The following DAB1 variants were observed in gnomAD, a reference collection of about 807,000 sequenced individuals.
DAB1 encodes the protein DAB adaptor protein 1, also known as disabled homolog 1.
A neutral mutation model predicts 64.6 loss-of-function variants in DAB1; 15 were observed. The observed-to-expected ratio is 0.23, with a 90% confidence interval of 0.16 to 0.36. DAB1 has a LOEUF of 0.36. DAB1 is among the 10% of genes least tolerant of loss of function. The pLI is 1.00. For missense variants in DAB1, 596 were observed against 706.7 expected, an observed-to-expected ratio of 0.84 and a Z score of 1.78; for synonymous variants, 235 against 251.9, an observed-to-expected ratio of 0.93 and a Z score of 0.64.
At chr1:57,889,625 T>G (rs530097286) in intron 5 of DAB1, among the ~76,000 whole-genome samples, 1 of 152,362 alleles carries the variant, frequency 6.6e-6, no homozygotes, top group East Asian at 1.9e-4. Context: ...CTGCCCCGTA[T>G]GATCCCAGAA....
intron 7 of DAB1, among the ~76,000 whole-genome samples, chr1:57,528,459 T>C (rs1367922105): frequency 2.0e-5 from 3 of 152,088 alleles, no homozygotes; most frequent in South Asian, 2.1e-4. Context: ...GAAAATTATT[T>C]TGATGAATTA....
intron 4 of DAB1, among the ~76,000 whole-genome samples, chr1:58,237,562 A>G (rs1174656238): frequency 2.0e-5 from 3 of 152,148 alleles, no homozygotes; most frequent in Non-Finnish European, 4.4e-5. Flanking sequence ...AAAATTCTAA[A>G]GGAAAGAAAA....
At chr1:57,980,107 T>G (rs1646026804) in intron 5 of DAB1, among the ~76,000 whole-genome samples, 1 of 152,092 alleles carries the variant, frequency 6.6e-6, no homozygotes, top group Non-Finnish European at 1.5e-5. Flanking sequence ...TTGAATCCCT[T>G]CATCCATAAA....
intron 2 of DAB1, among the ~76,000 whole-genome samples, chr1:57,281,406 G>A (rs1473252725): frequency 6.6e-6 from 1 of 152,146 alleles, no homozygotes; most frequent in Non-Finnish European, 1.5e-5. Flanking sequence ...CAGAAAAAAT[G>A]TATTCCCAGG....
In DAB1 at chr1:57,261,206, C is replaced by T. The variant is rs1017305003; in HGVS notation, c.67+29758G>A. Among the ~76,000 whole-genome samples, 11 of 152,226 alleles carry T rather than the reference C, an allele frequency of 7.2e-5. 1 individual carries two copies. The South Asian group carries it at 1.5e-3, about 20-fold the overall frequency. On this transcript the variant is annotated intron_variant, in intron 2 of 14. Coordinates refer to ENST00000371236, the MANE Select transcript of DAB1 (RefSeq NM_001365792.1). ...GCCACCCCAACCTCCGCAAGAAACA[C>T]GGTCACGGTGTTTCTTGACCAGTCT...
intron 3 of DAB1, among the ~76,000 whole-genome samples, chr1:58,418,688 T>C (rs977008892): frequency 1.3e-5 from 2 of 152,052 alleles, no homozygotes. Flanking sequence ...AAACTCAACC[T>C]GGGGAGGTTC....
intron 6 of DAB1, among the ~76,000 whole-genome samples, chr1:57,797,262 G>A (rs571191581): frequency 2.6e-5 from 4 of 152,244 alleles, no homozygotes; most frequent in African/African-American, 9.6e-5. Flanking sequence ...TGCTCCCATG[G>A]CTTTCCTGTC....
intron 4 of DAB1, among the ~76,000 whole-genome samples, chr1:58,267,314 T>G (rs2100423197): frequency 6.6e-6 from 1 of 152,328 alleles, no homozygotes; most frequent in Non-Finnish European, 1.5e-5. Flanking sequence ...CCAGCATTTG[T>G]TCTGGCTGGA....
chr1:57,918,680 C>G (rs183103619), intron 5 of DAB1, among the ~76,000 whole-genome samples: 1 of 152,180 alleles, frequency 6.6e-6, no homozygotes, highest in East Asian at 1.9e-4. Context: ...AAAAATTAGC[C>G]GGGCATGGTG....
chr1:57,866,680 G>A (rs1654315832), intron 1 of DAB1, among the ~76,000 whole-genome samples: 1 of 152,144 alleles, frequency 6.6e-6, no homozygotes, highest in Non-Finnish European at 1.5e-5. Context: ...GCTCTTATGA[G>A]GGCAGCACAG....
rs116067739 is a variant in DAB1, at chr1:57,047,957, C to A, written c.723+14927G>T. On this transcript the variant is annotated intron_variant, in intron 9 of 14. Transcript: ENST00000371236. The stretch of plus-strand genomic sequence containing the variant: ...ACTTGGTATAGTCCTTTGTCTACAT[C>A]ATAGTTCATAATAATAACTCTGGCT... Among the ~76,000 whole-genome samples, 1,372 of 152,310 alleles carry A rather than the reference C, an allele frequency of 9.0e-3. 24 individuals carry two copies. Among genetic ancestry groups the A allele is most frequent in the African/African-American group, 0.031 (1,308 of 41,568 alleles).
At chr1:57,005,278 T>A (rs1646026416) in intron 14 of DAB1, among the ~76,000 whole-genome samples, 1 of 152,194 alleles carries the variant, frequency 6.6e-6, no homozygotes, top group Admixed American at 6.5e-5. Context: ...GTACATCATC[T>A]TTTTTGGCCT....
chr1:57,068,599 G>T (rs948388340), intron 8 of DAB1, among the ~76,000 whole-genome samples: 1 of 151,568 alleles, frequency 6.6e-6, no homozygotes, highest in Non-Finnish European at 1.5e-5. Context: ...TTTCAAATTG[G>T]GACTACAATA....
chr1:58,209,210 C>T (rs1012745310), intron 4 of DAB1, among the ~76,000 whole-genome samples: 1 of 152,178 alleles, frequency 6.6e-6, no homozygotes, highest in African/African-American at 2.4e-5. Context: ...GCTACAGGGA[C>T]AGCTATAGGT....
chr1:58,026,100 C>T (rs1394043094), intron 5 of DAB1, among the ~76,000 whole-genome samples: 1 of 152,166 alleles, frequency 6.6e-6, no homozygotes, highest in Non-Finnish European at 1.5e-5. Flanking sequence ...AGGGACTTCT[C>T]AAAAATCAAG....
intron 1 of DAB1, among the ~76,000 whole-genome samples, chr1:57,399,893 G>A (rs1436037483): frequency 6.6e-6 from 1 of 152,176 alleles, no homozygotes; most frequent in African/African-American, 2.4e-5. Context: ...TAAATCTAAG[G>A]CATTGGGAGC....
intron 4 of DAB1, among the ~76,000 whole-genome samples, chr1:57,117,861 G>C (rs748125833): frequency 2.0e-5 from 3 of 151,536 alleles, no homozygotes; most frequent in Non-Finnish European, 4.4e-5. Flanking sequence ...CATGAAAGTA[G>C]TGGGATTTTT....
intron 4 of DAB1, among the ~76,000 whole-genome samples, chr1:58,296,255 A>AAGAAAGAAAG: frequency 6.8e-6 from 1 of 146,310 alleles, no homozygotes; most frequent in East Asian, 2.0e-4. Flanking sequence ...GAAAGAAAGA[A>AAGAAAGAAAG]AGAAAGAAAA....
intron 6 of DAB1, among the ~76,000 whole-genome samples, chr1:57,778,944 C>CCCTT (rs1316499908): frequency 6.6e-6 from 1 of 151,888 alleles, no homozygotes; most frequent in African/African-American, 2.4e-5. Context: ...TTCCCTCCCT[C>CCCTT]CCTTCCTCTT....
Sources: gnomAD v4.1 joint callset for allele counts (sites outside exome capture counted in the v4.1 genomes callset) on GRCh38, gnomAD v4.1.1 for gene constraint, MANE v1.5 for transcripts, NCBI Gene and HGNC (gene_info 2026-07-23, HGNC 2026-07-21) for gene names.